FBN1: variants seen among roughly 807,000 people sequenced by gnomAD.
FBN1 encodes the protein fibrillin-1.
A neutral mutation model predicts 365.1 loss-of-function variants in FBN1; 29 were observed. The observed-to-expected ratio is 0.08, with a 90% CI of 0.06 to 0.11. The LOEUF (loss-of-function observed/expected upper bound fraction) is 0.11, where lower values mean the gene tolerates loss of function less well. Ranked by LOEUF, FBN1 falls within the 10% of genes least tolerant of loss-of-function variation. The pLI, the probability that FBN1 is intolerant of heterozygous loss-of-function variation, is 1.00. For synonymous variants in FBN1, 1,210 were observed against 1,270.5 expected (o/e 0.95, Z 1.01); for missense variants, 2,476 against 3,703.2 (o/e 0.67, Z 8.60).
intron 9 of FBN1, among the ~76,000 whole-genome samples, chr15:48,525,886 G>A (rs181288439): frequency 1.3e-5 from 2 of 152,162 alleles, no homozygotes; most frequent in African/African-American, 4.8e-5. Flanking sequence ...TTAATTAATA[G>A]ACTGAAGATA....
At chr15:48,643,164 T>C (rs1890230071) in intron 2 of FBN1, 1 of 152,256 alleles carries the variant, frequency 6.6e-6, no homozygotes. Context: ...GGAAAAATAC[T>C]GGACTAAATG....
intron 6 of FBN1, among the ~76,000 whole-genome samples, chr15:48,591,155 T>A (rs1050620554): frequency 1.3e-4 from 20 of 152,210 alleles, no homozygotes; most frequent in Non-Finnish European, 2.8e-4. Flanking sequence ...ATGAACCACA[T>A]GAGAAAATTA....
chr15:48,457,027 T>A (rs1307768217), intron 43 of FBN1, among the ~76,000 whole-genome samples: 1 of 152,106 alleles, frequency 6.6e-6, no homozygotes, highest in Non-Finnish European at 1.5e-5. Context: ...GTAGGAGATA[T>A]CTTTGTATCC....
At chr15:48,550,823 A>C (rs994734920) in intron 6 of FBN1, among the ~76,000 whole-genome samples, 1 of 152,132 alleles carries the variant, frequency 6.6e-6, no homozygotes, top group African/African-American at 2.4e-5. Flanking sequence ...GCACTAACCA[A>C]ACTCCATGGT....
chr15:48,498,001 C>T (rs1156814632), intron 18 of FBN1, among the ~76,000 whole-genome samples: 1 of 152,202 alleles, frequency 6.6e-6, no homozygotes, highest in Admixed American at 6.5e-5. Flanking sequence ...CCAGCTCCAA[C>T]ACCACATGCT....
At position 48,487,414 on chromosome 15, in the gene FBN1, G is replaced by A. The variant is rs1445613212; in HGVS notation, c.3361C>T (p.Pro1121Ser). Residue 1121 changes from proline (P) to serine (S), a missense_variant, in exon 28 of 66, where the codon CCT (proline) becomes TCT (serine). This residue lies in a region of FBN1 where 1,780 missense variants were observed against 2,840.8 expected (regional missense o/e 0.63). Coordinates refer to ENST00000316623, the MANE Select transcript of FBN1 (RefSeq NM_000138.5). The stretch of plus-strand genomic sequence containing the variant: ...CAAACACCACCTCGGCATAGGAGAG[G>A]ATCTCTCTGACACTCATCAATATCT... ...CMDIDECQRDPLLCRGGVCHN... is the reference protein window; with the variant it reads ...CMDIDECQRDSLLCRGGVCHN... The A allele has an allele frequency of 1.9e-6, 3 of 1,614,090 alleles. No homozygotes were observed. In the South Asian group the frequency reaches 3.3e-5, roughly 18 times the overall value.
intron 10 of FBN1, among the ~76,000 whole-genome samples, chr15:48,519,259 A>G (rs2043830743): frequency 6.6e-6 from 1 of 152,214 alleles, no homozygotes. Flanking sequence ...ATTTTAATTG[A>G]CAAGTAAAAA....
chr15:48,437,501 A>T lies in FBN1; in HGVS notation c.6314-114T>A, dbSNP rs1353214441. 7.0e-6 allele frequency: 7 copies of T among 996,700 alleles called. No homozygotes were observed. The Admixed American group carries it at 1.4e-4, about 19-fold the overall frequency. The allele number at this position is 996,700 out of a possible 1,614,324, so 61.7% of individuals were successfully genotyped here. On this transcript the variant is annotated intron_variant, in intron 51 of 65. Transcript: ENST00000316623. ...TGCTGTGCATATTGATAAATGATGG[A>T]AAAAACAAGCCCAGAAACCAGAGGA...
At chr15:48,566,068 C>A (rs1220704996) in intron 6 of FBN1, among the ~76,000 whole-genome samples, 1 of 152,178 alleles carries the variant, frequency 6.6e-6, no homozygotes, top group African/African-American at 2.4e-5. Flanking sequence ...ATATTAGTCA[C>A]TTTCTTTGGA....
In FBN1 at chr15:48,545,114, T is replaced by A. The variant is rs183327272; in HGVS notation, c.539-7306A>T. On this transcript the variant is annotated intron_variant, in intron 6 of 65. Transcript: ENST00000316623. ...AACAATAATATTGTATAACAATTTA[T>A]TTGTTCTTTTATATTTTTTCAAAGC... 4.6e-5 allele frequency among the ~76,000 whole-genome samples: 7 copies of A among 152,328 alleles called. No homozygotes were observed. In the East Asian group the frequency reaches 1.2e-3, roughly 25 times the overall value.
rs56686382 is a variant in FBN1, at chr15:48,474,053, G to C, written c.4210+202C>G. Reference sequence around the variant, plus strand: ...TCTATCTATCTATCTATCTACCTACGTATCTACCTATCGAGAAGCTTTTGA... The same window carrying C: ...TCTATCTATCTATCTATCTACCTACCTATCTACCTATCGAGAAGCTTTTGA... On this transcript the variant is annotated intron_variant, in intron 34 of 65. Transcript: ENST00000316623. 0.32 allele frequency among the ~76,000 whole-genome samples: 48,144 copies of C among 151,876 alleles called. 8,406 individuals carry two copies. The highest frequency in any genetic ancestry group is 0.47 in the African/African-American group (19,538 of 41,402).
At chr15:48,510,334 G>A (rs1438407765) in intron 13 of FBN1, among the ~76,000 whole-genome samples, 165 bp from the exon 14 acceptor site, 1 of 151,988 alleles carries the variant, frequency 6.6e-6, no homozygotes, top group African/African-American at 2.4e-5. Flanking sequence ...GATATTTAGG[G>A]TTATCAGAGT....
chr15:48,612,662 G>A (rs1417331595), intron 3 of FBN1, among the ~76,000 whole-genome samples: 1 of 152,144 alleles, frequency 6.6e-6, no homozygotes, highest in Non-Finnish European at 1.5e-5. Flanking sequence ...TACAGGGTTT[G>A]GTAAGGCCCG....
At chr15:48,462,482 A>G (rs2043286798) in intron 42 of FBN1, among the ~76,000 whole-genome samples, 1 of 152,158 alleles carries the variant, frequency 6.6e-6, no homozygotes, top group Non-Finnish European at 1.5e-5. Flanking sequence ...ATGCTCATTG[A>G]GAATTTTGTA....
At chr15:48,596,569 G>A (rs921815350) in intron 5 of FBN1, among the ~76,000 whole-genome samples, 191 bp from the exon 6 acceptor site, 22 of 152,236 alleles carry the variant, frequency 1.4e-4, no homozygotes, top group African/African-American at 5.1e-4. Flanking sequence ...GCCTGGAATA[G>A]ATGAGTTTGT....
chr15:48,437,091 A>G lies in FBN1; in HGVS notation c.6380-14T>C. On this transcript the variant is annotated splice_polypyrimidine_tract_variant and intron_variant, in intron 52 of 65. Transcript: ENST00000316623. Reference sequence around the variant, plus strand: ...ATTCGTCCATATCTTAAGCAAGAGAAAAAAAATAGTGAATAACAAGGTATT... The same window carrying G: ...ATTCGTCCATATCTTAAGCAAGAGAGAAAAAATAGTGAATAACAAGGTATT... 6.5e-7 allele frequency: 1 copy of G among 1,538,828 alleles called. No individual in the cohort carries two copies. Among genetic ancestry groups the G allele is most frequent in the South Asian group, 1.1e-5 (1 of 89,618 alleles).
intron 6 of FBN1, among the ~76,000 whole-genome samples, chr15:48,586,974 A>G (rs896629378): frequency 3.3e-5 from 5 of 152,314 alleles, no homozygotes; most frequent in African/African-American, 1.2e-4. Flanking sequence ...TAAACTAAGT[A>G]AAAACAGTTT....
chr15:48,490,099 A>G (rs2141297623), intron 24 of FBN1, 21 bp from the exon 25 acceptor site: 1 of 1,609,222 alleles, frequency 6.2e-7, no homozygotes, highest in Non-Finnish European at 8.5e-7. Context: ...GAATCAAGGG[A>G]GGTTAAATAG....
chr15:48,540,273 G>GT (rs1318320509), intron 6 of FBN1, among the ~76,000 whole-genome samples: 2 of 152,078 alleles, frequency 1.3e-5, no homozygotes, highest in African/African-American at 4.8e-5. Flanking sequence ...ATAAACAAAT[G>GT]TAATTACACC....
Sources: allele counts gnomAD v4.1 joint callset (sites outside exome capture counted in the v4.1 genomes callset), GRCh38; gene constraint gnomAD v4.1.1; regional missense constraint gnomAD v4.1.1; transcripts MANE v1.5; gene names NCBI Gene and HGNC (gene_info 2026-07-23, HGNC 2026-07-21).